The following ITGA2 variants were observed in gnomAD, a reference collection of about 807,000 sequenced individuals.
ITGA2 encodes the protein integrin alpha-2.
Under a neutral mutation model 146.3 loss-of-function variants are expected in ITGA2, and 101 were observed. The ratio of observed to expected loss-of-function variants is 0.69; its 90% CI spans 0.59 to 0.81. ITGA2 has a LOEUF of 0.81. Ranked by LOEUF, ITGA2 falls within the 40% of genes least tolerant of loss-of-function variation. The pLI, the probability that ITGA2 is intolerant of heterozygous loss-of-function variation, is 0.00. For missense variants in ITGA2, 1,281 were observed against 1,402.7 expected, an observed-to-expected ratio of 0.91 and a Z score of 1.39; for synonymous variants, 477 against 487.1, an observed-to-expected ratio of 0.98 and a Z score of 0.27.
At position 53,034,855 on chromosome 5, in the gene ITGA2, G is replaced by A. The variant is rs971494577; in HGVS notation, c.186-7257G>A. ...GCCCCATATGATGGGAAAGCAAACA[G>A]TGCTTCTCTAGAAGAGTTCTAAGGG... is the stretch of plus-strand genomic sequence containing the variant. On this transcript the variant is annotated intron_variant, in intron 2 of 29. Transcript: ENST00000296585. Among the ~76,000 whole-genome samples, 3 of 152,280 alleles carry A rather than the reference G, an allele frequency of 2.0e-5. No homozygotes were observed. The East Asian group carries it at 5.8e-4, about 29-fold the overall frequency.
At chr5:53,063,671 TA>T (rs1745008304) in intron 13 of ITGA2, among the ~76,000 whole-genome samples, 1 of 151,828 alleles carries the variant, frequency 6.6e-6, no homozygotes, top group Non-Finnish European at 1.5e-5. Flanking sequence ...TATGTTTAAG[TA>T]TTGTGATATT....
At chr5:53,061,478 A>G (rs957884204) in intron 12 of ITGA2, among the ~76,000 whole-genome samples, 1 of 151,960 alleles carries the variant, frequency 6.6e-6, no homozygotes, top group African/African-American at 2.4e-5. Context: ...TAATGAGAAG[A>G]AGGGAGCAGC....
chr5:53,094,041 G>A lies in ITGA2; in HGVS notation c.*3442G>A, dbSNP rs1684205728. ...GATTATACTAAAAATTATTATAAAG[G>A]TTATAATTTTATAATGTATTTACCT... is the stretch of plus-strand genomic sequence containing the variant. On this transcript the variant is annotated 3_prime_UTR_variant, in exon 30 of 30. Coordinates refer to ENST00000296585, the MANE Select transcript of ITGA2 (RefSeq NM_002203.4). 2 of 152,390 alleles carry A rather than the reference G, an allele frequency of 1.3e-5. No homozygotes were observed. The highest frequency in any genetic ancestry group is 4.1e-4 in the South Asian group (2 of 4,824). The allele number at this position is 152,390 out of a possible 1,614,324, so 9.4% of individuals were successfully genotyped here.
intron 1 of ITGA2, among the ~76,000 whole-genome samples, chr5:53,019,871 A>G (rs956612552): frequency 1.3e-5 from 2 of 152,222 alleles, no homozygotes; most frequent in Non-Finnish European, 2.9e-5. Context: ...GTGCAAGAGT[A>G]GTAATGCTGG....
At position 53,078,786 on chromosome 5, in the gene ITGA2, A is replaced by AT. The variant is rs1250269009; in HGVS notation, c.2845dup (p.Tyr949LeufsTer2). 2 of 1,606,756 alleles carry AT rather than the reference A, an allele frequency of 1.2e-6. No individual in the cohort carries two copies. The highest frequency in any genetic ancestry group is 2.2e-5 in the South Asian group (2 of 90,906). The stretch of plus-strand genomic sequence containing the variant: ...TCATCCAACAGATCTACCAACATAA[A>AT]TTTTTATGAAATCTCTTCGGATGGG... On this transcript the variant is annotated frameshift_variant, in exon 24 of 30. Transcript: ENST00000296585. LOFTEE classifies it high-confidence loss of function.
At chr5:53,047,558 A>G (rs1744153275) in intron 4 of ITGA2, among the ~76,000 whole-genome samples, 1 of 152,172 alleles carries the variant, frequency 6.6e-6, no homozygotes, top group African/African-American at 2.4e-5. Context: ...AGTGAACCTC[A>G]TTTGTGTTTG....
intron 24 of ITGA2, among the ~76,000 whole-genome samples, chr5:53,079,901 C>T (rs1745834358): frequency 6.6e-6 from 1 of 151,972 alleles, no homozygotes; most frequent in Non-Finnish European, 1.5e-5. Context: ...TTTAAATAAC[C>T]AGTAGTGTAT....
chr5:53,058,063 T>G lies in ITGA2; in HGVS notation c.1135T>G (p.Ser379Ala). Residue 379 changes from serine to alanine, a missense_variant, in exon 10 of 30, where the codon TCA becomes GCA. Ser to Ala is a moderately conservative substitution (Grantham distance 99). Coordinates refer to ENST00000296585, the MANE Select transcript of ITGA2 (RefSeq NM_002203.4). Reference sequence around the variant, plus strand: ...AGGAGACAACTTTCAGATGGAAATGTCACAAGTGGGATTCAGTGCAGATTA... The same window carrying G: ...AGGAGACAACTTTCAGATGGAAATGGCACAAGTGGGATTCAGTGCAGATTA... ...QGGDNFQMEM[S>A]QVGFSADYSS... 6.2e-7 allele frequency: 1 copy of G among 1,611,846 alleles called. No individual in the cohort carries two copies. The highest frequency in any genetic ancestry group is 1.3e-5 in the African/African-American group (1 of 74,902).
At chr5:52,991,448 A>G (rs1169561603) in intron 1 of ITGA2, among the ~76,000 whole-genome samples, 3 of 152,164 alleles carry the variant, frequency 2.0e-5, no homozygotes, top group Admixed American at 6.5e-5. Flanking sequence ...CTGTTATAAA[A>G]TTATAGTATG....
At chr5:53,071,776 C>T (rs1369950447) in intron 17 of ITGA2, among the ~76,000 whole-genome samples, 162 bp from the exon 18 acceptor site, 2 of 151,822 alleles carry the variant, frequency 1.3e-5, no homozygotes, top group South Asian at 2.1e-4. Context: ...AGAAAAGAAG[C>T]GAGAGTCTTG....
chr5:53,049,970 G>A (rs983279471), intron 6 of ITGA2, among the ~76,000 whole-genome samples: 1 of 152,030 alleles, frequency 6.6e-6, no homozygotes, highest in East Asian at 1.9e-4. Context: ...TTGCTTTTCA[G>A]TACCAAGAGT....
intron 1 of ITGA2, among the ~76,000 whole-genome samples, chr5:53,011,334 C>T (rs1279896630): frequency 6.6e-6 from 1 of 152,064 alleles, no homozygotes; most frequent in Non-Finnish European, 1.5e-5. Context: ...CATACAATAC[C>T]TTTGTGTGTG....
chr5:53,046,110 G>C (rs1744068573), intron 4 of ITGA2, among the ~76,000 whole-genome samples: 1 of 150,482 alleles, frequency 6.6e-6, no homozygotes, highest in South Asian at 2.1e-4. Flanking sequence ...AGAATCACTG[G>C]GACCCAGGAG....
rs200155411 is a variant in ITGA2 at position 53,090,571 on chromosome 5, T to C, written c.3518T>C (p.Ile1173Thr). 2.2e-4 allele frequency: 363 copies of C among 1,614,042 alleles called. 1 individual carries two copies. The highest frequency in any genetic ancestry group is 2.9e-4 in the Non-Finnish European group (343 of 1,179,962). The change falls in exon 30 of 30, where the codon ATT becomes ACT. Residue 1173 changes from isoleucine to threonine, a missense_variant. Ile to Thr is a moderately conservative substitution (Grantham distance 89). Transcript: ENST00000296585. ...YEKMTKNPDE[I>T]DETTELSS ...AAGATGACCAAAAATCCAGATGAGA[T>C]TGATGAGACCACAGAGCTCAGTAGC...
chr5:53,056,732 A>T (rs891369096), intron 9 of ITGA2, among the ~76,000 whole-genome samples: 2 of 151,902 alleles, frequency 1.3e-5, no homozygotes, highest in African/African-American at 2.4e-5. Context: ...TAATTTACTT[A>T]GGTGGCCTTG....
At chr5:53,024,750 A>G (rs1250058738) in intron 1 of ITGA2, among the ~76,000 whole-genome samples, 1 of 152,192 alleles carries the variant, frequency 6.6e-6, no homozygotes, top group African/African-American at 2.4e-5. Context: ...TGTGTTCAAA[A>G]AACAGAAGGA....
At chr5:53,061,684 G>T (rs1311353836) in intron 12 of ITGA2, among the ~76,000 whole-genome samples, 2 of 151,958 alleles carry the variant, frequency 1.3e-5, no homozygotes, top group East Asian at 3.9e-4. Flanking sequence ...AAGGCCAGCT[G>T]ATTGCTTCCT....
In ITGA2 at chr5:53,092,254, G is replaced by A. The variant is rs1391755636; in HGVS notation, c.*1655G>A. ...ACTTCAGAGTCCTCATTATAAAATG[G>A]GAAGACTGAGCTGGAGTTCAGCAGT... On this transcript the variant is annotated 3_prime_UTR_variant, in exon 30 of 30. Transcript: ENST00000296585. 1 of 152,108 alleles carries A rather than the reference G, an allele frequency of 6.6e-6. No homozygotes were observed. 9.4% of individuals were successfully genotyped at this position (152,108 alleles called of 1,614,324 possible).
At position 53,048,734 on chromosome 5, in the gene ITGA2, T is replaced by A; in HGVS notation, c.594T>A (p.Phe198Leu). ...CAGTAAAGAATTTTTTGGAAAAATT[T>A]GTACAAGGCCTGGATATAGGCCCCA... The part of the protein sequence containing the change: ...WDAVKNFLEK[F>L]VQGLDIGPTK... Residue 198 changes from phenylalanine to leucine, a missense_variant, in exon 6 of 30, where the codon TTT (phenylalanine) becomes TTA (leucine). Physicochemically the swap from Phe to Leu is conservative, Grantham distance 22. Around this residue, in one of 3 missense-constraint regions of ITGA2, gnomAD observed 795 missense variants for 841.7 expected, o/e 0.94. Transcript: ENST00000296585. 1.2e-6 allele frequency: 2 copies of A among 1,614,026 alleles called. 1 individual carries two copies. The highest frequency in any genetic ancestry group is 2.2e-5 in the South Asian group (2 of 91,080).
Sources: gnomAD v4.1 joint callset for allele counts (sites outside exome capture counted in the v4.1 genomes callset) on GRCh38, gnomAD v4.1.1 for gene constraint, gnomAD v4.1.1 regional missense constraint, MANE v1.5 for transcripts, NCBI Gene and HGNC (gene_info 2026-07-23, HGNC 2026-07-21) for gene names.